NADK2: variants seen among roughly 807,000 people sequenced by gnomAD.
NADK2 encodes the protein NAD kinase domain-containing protein 1, mitochondrial.
A neutral mutation model predicts 62.1 loss-of-function variants in NADK2; 35 were observed. That is an observed-to-expected ratio of 0.56 (90% CI 0.43 to 0.75). The LOEUF (loss-of-function observed/expected upper bound fraction) is 0.75. NADK2 is among the 30% of genes least tolerant of loss of function. The pLI, the probability that NADK2 is intolerant of heterozygous loss-of-function variation, is 0.00. For missense variants in NADK2, 439 were observed against 561.3 expected, an observed-to-expected ratio of 0.78 and a Z score of 2.20; for synonymous variants, 205 against 207.9, an observed-to-expected ratio of 0.99 and a Z score of 0.12.
chr5:36,223,987 C>A (rs1169398712), intron 4 of NADK2, among the ~76,000 whole-genome samples: 3 of 152,030 alleles, frequency 2.0e-5, no homozygotes, highest in Non-Finnish European at 4.4e-5. Context: ...AGTTCTAATC[C>A]AGTGACTTTC....
intron 7 of NADK2, among the ~76,000 whole-genome samples, chr5:36,207,658 T>C (rs923375498): frequency 3.3e-5 from 5 of 152,118 alleles, no homozygotes; most frequent in Admixed American, 3.3e-4. Context: ...TAGCTAGTCC[T>C]TGATATATTT....
At position 36,241,410 on chromosome 5, in the gene NADK2, T is replaced by G; in HGVS notation, c.300+89A>C. ...GGCATCTGCGGTGCCCTGGGAAGAG[T>G]CGTCCCGAGAGGTCCCCCCGAGGGG... On this transcript the variant is annotated intron_variant, in intron 1 of 11. Coordinates refer to ENST00000381937, the MANE Select transcript of NADK2 (RefSeq NM_001085411.3). This position sits in a 1 kb window ranked among gnomAD's most constrained non-coding sequence, Gnocchi z 4.9. The G allele has an allele frequency of 7.2e-7, 1 of 1,395,374 alleles. No homozygotes were observed. The highest frequency in any genetic ancestry group is 2.9e-5 in the Admixed American group (1 of 34,118). The allele number at this position is 1,395,374 out of a possible 1,614,324, so 86.4% of individuals were successfully genotyped here.
intron 1 of NADK2, among the ~76,000 whole-genome samples, chr5:36,234,744 A>G (rs369282956): frequency 2.6e-5 from 4 of 152,328 alleles, no homozygotes; most frequent in African/African-American, 9.6e-5. Flanking sequence ...CTGAATACAC[A>G]GGTGTCTTGT....
rs1748105662 is a variant in NADK2 at position 36,241,276 on chromosome 5, T to C, written c.300+223A>G. ...AAGTCCCTGCATGAACCACTGTCCC[T>C]CTCTCTCCCCCTCTCCCCGGCCCTG... is the stretch of plus-strand genomic sequence containing the variant. On this transcript the variant is annotated intron_variant, in intron 1 of 11. Transcript: ENST00000381937. This position sits in a 1 kb window ranked among gnomAD's most constrained non-coding sequence, Gnocchi z 4.9. The C allele has an allele frequency of 3.4e-6, 3 of 879,332 alleles. No homozygotes were observed. In the South Asian group the frequency reaches 7.5e-5, roughly 22 times the overall value. The allele number at this position is 879,332 out of a possible 1,614,324, so 54.5% of individuals were successfully genotyped here. A position where few individuals can be genotyped will look rare whatever the true frequency, so the allele number is the denominator to read the frequency against.
intron 6 of NADK2, among the ~76,000 whole-genome samples, chr5:36,213,928 C>T (rs1446359194): frequency 1.3e-5 from 2 of 151,984 alleles, no homozygotes; most frequent in African/African-American, 4.8e-5. Flanking sequence ...TCTTGACTTT[C>T]CACCTCTATT....
rs938507306 is a variant in NADK2 at position 36,212,054 on chromosome 5, C to T, written c.782-132G>A. The T allele has an allele frequency of 1.0e-4, 64 of 621,620 alleles. No individual in the cohort carries two copies. The African/African-American group carries it at 1.1e-3, about 11-fold the overall frequency. 38.5% of individuals were successfully genotyped at this position (621,620 alleles called of 1,614,324 possible). On this transcript the variant is annotated intron_variant, in intron 6 of 11. Coordinates refer to ENST00000381937, the MANE Select transcript of NADK2 (RefSeq NM_001085411.3). ...GAATCACATACTTTAATACAGTTAACATTTAAATTATCTTTTACTTAAAGC... is the reference window on the plus strand; with the variant it reads ...GAATCACATACTTTAATACAGTTAATATTTAAATTATCTTTTACTTAAAGC...
chr5:36,238,766 A>C (rs1418684407), intron 1 of NADK2, among the ~76,000 whole-genome samples: 1 of 152,230 alleles, frequency 6.6e-6, no homozygotes, highest in Non-Finnish European at 1.5e-5. Flanking sequence ...GATATCACAA[A>C]ATAAGTCACT....
Position 36,227,646 on chromosome 5 carries a change from G to A in NADK2, c.301-81C>T, listed in dbSNP as rs77812706. The A allele has an allele frequency of 9.7e-3, 6,473 of 665,996 alleles. 441 individuals carry two copies. In the East Asian group the frequency reaches 0.16, roughly 16 times the overall value. The allele number at this position is 665,996 out of a possible 1,614,324, so 41.3% of individuals were successfully genotyped here. A position where few individuals can be genotyped will look rare whatever the true frequency, so the allele number is the denominator to read the frequency against. ...TAATATTATGATTTTTAAAAGCCCC[G>A]TATAAAATATAATTTTTTGAAAATA... On this transcript the variant is annotated intron_variant, in intron 1 of 11. Transcript: ENST00000381937.
Position 36,240,430 on chromosome 5 carries a change from A to G in NADK2, c.300+1069T>C, listed in dbSNP as rs149738990. ...AACTTCGCTAAGATCACACGATACC[A>G]GAAGTTTCCAACAGGTTGTCTAGTC... On this transcript the variant is annotated intron_variant, in intron 1 of 11. Transcript: ENST00000381937. Among the ~76,000 whole-genome samples, 8 of 152,384 alleles carry G rather than the reference A, an allele frequency of 5.2e-5. No homozygotes were observed. In the East Asian group the frequency reaches 1.5e-3, roughly 29 times the overall value.
At chr5:36,232,585 GAC>G (rs1747747753) in intron 1 of NADK2, among the ~76,000 whole-genome samples, 3 of 62,142 alleles carry the variant, frequency 4.8e-5, no homozygotes, top group Non-Finnish European at 2.4e-4. Flanking sequence ...GAACCCTAAA[GAC>G]TTCTTCACAT....
chr5:36,229,701 C>T (rs10473002), intron 1 of NADK2, among the ~76,000 whole-genome samples: 140,145 of 151,440 alleles, frequency 0.93, 65,334 homozygotes, highest in Non-Finnish European at 0.98. Context: ...TCTTTAGAGC[C>T]TCAAATACAT....
rs79278278 is a variant in NADK2, at chr5:36,238,405, G to C, written c.300+3094C>G. Reference sequence around the variant, plus strand: ...AATAGGAACCAGTAAAAGGGTTGCCGAGTTGTGAGACCTGGAATGATGGAG... The same window carrying C: ...AATAGGAACCAGTAAAAGGGTTGCCCAGTTGTGAGACCTGGAATGATGGAG... On this transcript the variant is annotated intron_variant, in intron 1 of 11. Coordinates refer to ENST00000381937, the MANE Select transcript of NADK2 (RefSeq NM_001085411.3). Among the ~76,000 whole-genome samples, 1,852 of 152,286 alleles carry C rather than the reference G, an allele frequency of 0.012. 157 individuals carry two copies. The East Asian group carries it at 0.21, about 18-fold the overall frequency.
rs1235202150 is a variant in NADK2 at position 36,241,866 on chromosome 5, G to GCGCGCCGTC, written c.-77_-69dup. 2 of 1,145,846 alleles carry GCGCGCCGTC rather than the reference G, an allele frequency of 1.7e-6. No homozygotes were observed. Among genetic ancestry groups the GCGCGCCGTC allele is most frequent in the African/African-American group, 1.7e-5 (1 of 60,318 alleles). 71.0% of individuals were successfully genotyped at this position (1,145,846 alleles called of 1,614,324 possible). The stretch of plus-strand genomic sequence containing the variant: ...GCCTCAGCTCCCTACCGCCGGGAGT[G>GCGCGCCGTC]CGCGCCGTCCGCGCCGCCCGGGCCT... On this transcript the variant is annotated 5_prime_UTR_variant, in exon 1 of 12. Transcript: ENST00000381937. This position sits in a 1 kb window ranked among gnomAD's most constrained non-coding sequence, Gnocchi z 4.9.
At chr5:36,195,771 C>T (rs1277879846) in intron 11 of NADK2, among the ~76,000 whole-genome samples, 1 of 152,188 alleles carries the variant, frequency 6.6e-6, no homozygotes, top group Non-Finnish European at 1.5e-5. Flanking sequence ...TTGCTGGAAG[C>T]TCCCTCACTG....
chr5:36,225,808 A>G (rs756495309), intron 3 of NADK2, among the ~76,000 whole-genome samples, 185 bp from the exon 4 acceptor site: 5 of 152,242 alleles, frequency 3.3e-5, no homozygotes, highest in Admixed American at 1.3e-4. Flanking sequence ...CCAGGATTTC[A>G]TAAGTGGCAA....
intron 6 of NADK2, among the ~76,000 whole-genome samples, chr5:36,217,382 T>C (rs1365806932): frequency 2.0e-5 from 3 of 152,042 alleles, no homozygotes; most frequent in Non-Finnish European, 2.9e-5. Context: ...TAAGTATAAC[T>C]ATATAACATG....
intron 11 of NADK2, 124 bp downstream of exon 11, chr5:36,197,417 A>G: frequency 7.9e-7 from 1 of 1,258,716 alleles, no homozygotes; most frequent in Non-Finnish European, 1.1e-6. Flanking sequence ...CACAGGTTCT[A>G]CTTTTCCTGC....
chr5:36,221,835 C>A (rs1017566388), intron 4 of NADK2: 1 of 152,000 alleles, frequency 6.6e-6, no homozygotes, highest in Non-Finnish European at 1.5e-5. Flanking sequence ...TAAAAATAAG[C>A]CATTAAGAAG....
At position 36,197,552 on chromosome 5, in the gene NADK2, A is replaced by G; in HGVS notation, c.1179T>C (p.Cys393=). ...TTGAGGATGCTTACTTTGAGGAGAA[A>G]CAACGCTGACGACTGCTTGAGAAAA... The part of the protein sequence containing the change: ...NRVFSSSRQR[C]FSSKVCVRSR... Residue 393 remains cysteine, a synonymous_variant, in exon 11 of 12, where the codon TGT becomes TGC. Transcript: ENST00000381937. 1 of 1,612,390 alleles carries G rather than the reference A, an allele frequency of 6.2e-7. No individual in the cohort carries two copies. The highest frequency in any genetic ancestry group is 8.5e-7 in the Non-Finnish European group (1 of 1,178,886).
Sources: gnomAD v4.1 joint callset for allele counts (sites outside exome capture counted in the v4.1 genomes callset) on GRCh38, gnomAD v4.1.1 for gene constraint, Gnocchi (gnomAD v3.1) non-coding constraint, MANE v1.5 for transcripts, NCBI Gene and HGNC (gene_info 2026-07-23, HGNC 2026-07-21) for gene names.